GRIN3A: variants seen among roughly 807,000 people sequenced by gnomAD.
GRIN3A encodes the protein glutamate receptor ionotropic, NMDA 3A.
A neutral mutation model predicts 92.4 loss-of-function variants in GRIN3A; 47 were observed. The ratio of observed to expected loss-of-function variants is 0.51; its 90% CI spans 0.40 to 0.65. The LOEUF (loss-of-function observed/expected upper bound fraction) is 0.65, where lower values mean the gene tolerates loss of function less well. Ranked by LOEUF, GRIN3A falls within the 30% of genes least tolerant of loss-of-function variation. GRIN3A has a pLI of 0.00. For synonymous variants in GRIN3A, 527 were observed against 540.6 expected, an observed-to-expected ratio of 0.97 and a Z score of 0.35; for missense variants, 1,324 against 1,393.1, an observed-to-expected ratio of 0.95 and a Z score of 0.79.
chr9:101,698,348 A>G lies in GRIN3A; in HGVS notation c.700-11148T>C, dbSNP rs146304385. On this transcript the variant is annotated intron_variant, in intron 1 of 8. Transcript: ENST00000361820. ...AAAATGGAAAGAATTTCCAAAGACTATTATTACATTTCCTAGAGTAGTCCA... is the reference window on the plus strand; with the variant it reads ...AAAATGGAAAGAATTTCCAAAGACTGTTATTACATTTCCTAGAGTAGTCCA... Among the ~76,000 whole-genome samples the G allele has an allele frequency of 2.6e-5, 4 of 152,340 alleles. No homozygotes were observed. The East Asian group carries it at 7.7e-4, about 29-fold the overall frequency.
At chr9:101,575,724 G>A (rs1269608239) in intron 8 of GRIN3A, among the ~76,000 whole-genome samples, 6 of 152,132 alleles carry the variant, frequency 3.9e-5, no homozygotes, top group Non-Finnish European at 8.8e-5. Flanking sequence ...GGGCACAGAG[G>A]AGGGATGTCA....
intron 1 of GRIN3A, among the ~76,000 whole-genome samples, chr9:101,728,643 G>A (rs891768318): frequency 6.6e-5 from 10 of 152,018 alleles, no homozygotes; most frequent in Non-Finnish European, 1.3e-4. Context: ...TGATAACAGG[G>A]TTTTTCTTAA....
chr9:101,671,116 G>C lies in GRIN3A; in HGVS notation c.1305-9C>G, dbSNP rs767961798. 5 of 1,602,088 alleles carry C rather than the reference G, an allele frequency of 3.1e-6. No individual in the cohort carries two copies. The East Asian group carries it at 6.7e-5, about 21-fold the overall frequency. On this transcript the variant is annotated splice_polypyrimidine_tract_variant and intron_variant, in intron 2 of 8. Transcript: ENST00000361820. ...TGGTATTGGCTAGAAACCTGGGAAA[G>C]AGGAGCAAAGGCAAAAAGTAAGAAA... is the stretch of plus-strand genomic sequence containing the variant.
intron 1 of GRIN3A, among the ~76,000 whole-genome samples, chr9:101,729,093 T>G (rs1830110119): frequency 6.6e-6 from 1 of 152,164 alleles, no homozygotes; most frequent in South Asian, 2.1e-4. Context: ...ATCACCAAGC[T>G]TAACCTTTCT....
intron 3 of GRIN3A, among the ~76,000 whole-genome samples, chr9:101,643,654 GTCTCTCTC>G (rs74810886): frequency 1.8e-4 from 26 of 147,132 alleles, no homozygotes; most frequent in Middle Eastern, 3.6e-3. Flanking sequence ...CAACCTAAAT[GTCTCTCTC>G]TCTCTCTCTC....
rs116412823 is a variant in GRIN3A, at chr9:101,633,004, A to G, written c.2353-4603T>C. Among the ~76,000 whole-genome samples the G allele has an allele frequency of 6.1e-3, 932 of 152,266 alleles. 10 individuals carry two copies. The highest frequency in any genetic ancestry group is 0.021 in the African/African-American group (877 of 41,544). ...GGAAATATCTAAGGTTAAACTGTCT[A>G]TTTGTATGTGAATTGTTCAGTATTA... is the stretch of plus-strand genomic sequence containing the variant. On this transcript the variant is annotated intron_variant, in intron 3 of 8. Transcript: ENST00000361820.
chr9:101,617,795 C>G (rs1182646469), intron 5 of GRIN3A, among the ~76,000 whole-genome samples: 6 of 137,746 alleles, frequency 4.4e-5, no homozygotes, highest in African/African-American at 1.7e-4. Flanking sequence ...TATCCCTCCC[C>G]CCTCCCCCAA....
At chr9:101,724,070 G>C (rs576508086) in intron 1 of GRIN3A, among the ~76,000 whole-genome samples, 2 of 152,196 alleles carry the variant, frequency 1.3e-5, no homozygotes, top group Non-Finnish European at 2.9e-5. Flanking sequence ...ATCCTGCACC[G>C]GGGCTGCAGG....
At chr9:101,726,810 C>T (rs893975828) in intron 1 of GRIN3A, among the ~76,000 whole-genome samples, 3 of 150,754 alleles carry the variant, frequency 2.0e-5, no homozygotes, top group South Asian at 2.1e-4. Flanking sequence ...TTATGGGGTA[C>T]ATAAGATGTT....
intron 6 of GRIN3A, among the ~76,000 whole-genome samples, chr9:101,582,966 C>A (rs749601255): frequency 3.3e-5 from 5 of 152,128 alleles, no homozygotes; most frequent in Admixed American, 6.5e-5. Context: ...GCTGTTTATA[C>A]CCACATGCTG....
At chr9:101,647,203 A>C (rs1828948835) in intron 3 of GRIN3A, among the ~76,000 whole-genome samples, 1 of 151,946 alleles carries the variant, frequency 6.6e-6, no homozygotes, top group Admixed American at 6.6e-5. Flanking sequence ...TTTATCATAA[A>C]GGGCTGCTGA....
At chr9:101,601,197 A>G (rs1446474213) in intron 6 of GRIN3A, 1 of 152,232 alleles carries the variant, frequency 6.6e-6, no homozygotes, top group South Asian at 2.1e-4. Flanking sequence ...GTTGCTTATA[A>G]TGGCTGAAGT....
chr9:101,676,489 A>T (rs1418850507), intron 2 of GRIN3A, among the ~76,000 whole-genome samples: 1 of 151,866 alleles, frequency 6.6e-6, no homozygotes, highest in African/African-American at 2.4e-5. Flanking sequence ...TCCCATGATC[A>T]TCTCATCATA....
At chr9:101,678,098 C>A (rs1829422628) in intron 2 of GRIN3A, among the ~76,000 whole-genome samples, 1 of 152,082 alleles carries the variant, frequency 6.6e-6, no homozygotes. Context: ...CTCACTGAGT[C>A]ATCTTTGACT....
rs1828629227 is a variant in GRIN3A, at chr9:101,625,949, A to T, written c.2498+2307T>A. Among the ~76,000 whole-genome samples the T allele has an allele frequency of 2.0e-5, 3 of 152,342 alleles. No homozygotes were observed. In the South Asian group the frequency reaches 6.2e-4, roughly 32 times the overall value. On this transcript the variant is annotated intron_variant, in intron 4 of 8. Coordinates refer to ENST00000361820, the MANE Select transcript of GRIN3A (RefSeq NM_133445.3). ...ATTCATGAAGCCTAATGTCTCTGGG[A>T]TCCTTCCTTAAATAACTACTCTTGA...
At chr9:101,704,654 G>C (rs1290329761) in intron 1 of GRIN3A, among the ~76,000 whole-genome samples, 1 of 152,190 alleles carries the variant, frequency 6.6e-6, no homozygotes, top group Non-Finnish European at 1.5e-5. Context: ...ACACGATCAG[G>C]AGGGTAAACA....
intron 2 of GRIN3A, among the ~76,000 whole-genome samples, chr9:101,673,040 TA>T (rs1185801465): frequency 1.3e-5 from 2 of 152,094 alleles, no homozygotes; most frequent in Middle Eastern, 3.2e-3. Context: ...AATAAACAGT[TA>T]GTAGTAAGTA....
At chr9:101,701,785 T>G (rs537861120) in intron 1 of GRIN3A, among the ~76,000 whole-genome samples, 7 of 152,104 alleles carry the variant, frequency 4.6e-5, no homozygotes, top group Non-Finnish European at 8.8e-5. Flanking sequence ...GGAGAAAATT[T>G]TTGCAAACTT....
intron 1 of GRIN3A, among the ~76,000 whole-genome samples, chr9:101,721,105 T>C (rs1830006937): frequency 6.6e-6 from 1 of 152,200 alleles, no homozygotes; most frequent in African/African-American, 2.4e-5. Flanking sequence ...TCCACCCAAA[T>C]CTCAACTTGA....
Sources: gnomAD v4.1 joint callset for allele counts (sites outside exome capture counted in the v4.1 genomes callset) on GRCh38, gnomAD v4.1.1 for gene constraint, MANE v1.5 for transcripts, NCBI Gene and HGNC (gene_info 2026-07-23, HGNC 2026-07-21) for gene names.